The following MAP3K2 variants were observed in gnomAD, a reference collection of about 807,000 sequenced individuals.
The protein encoded by MAP3K2 is mitogen-activated protein kinase kinase kinase 2.
MAP3K2 carries 24 observed loss-of-function variants against 80.3 expected under a neutral mutation model. That is an observed-to-expected ratio of 0.30 (90% CI 0.22 to 0.42). The LOEUF is 0.42. Ranked by LOEUF, MAP3K2 falls within the 10% of genes least tolerant of loss-of-function variation. MAP3K2 has a pLI of 1.00. For synonymous variants in MAP3K2, 244 were observed against 253.7 expected, an observed-to-expected ratio of 0.96 and a Z score of 0.36; for missense variants, 608 against 750.1, an observed-to-expected ratio of 0.81 and a Z score of 2.21.
intron 1 of MAP3K2, among the ~76,000 whole-genome samples, chr2:127,344,974 CCA>C (rs1686570965): frequency 6.6e-6 from 1 of 152,096 alleles, no homozygotes; most frequent in Admixed American, 6.6e-5. Context: ...AGCAATCCTC[CCA>C]CCTCAGCACC....
chr2:127,342,391 GTGTGT>G (rs1686511913), intron 2 of MAP3K2, among the ~76,000 whole-genome samples: 3 of 82,084 alleles, frequency 3.7e-5, no homozygotes, highest in African/African-American at 1.4e-4. Context: ...TCATGAGGGT[GTGTGT>G]GTGTGTGTGT....
chr2:127,342,419 G>GTC (rs1420705439), intron 2 of MAP3K2, among the ~76,000 whole-genome samples: 3 of 151,228 alleles, frequency 2.0e-5, no homozygotes, highest in East Asian at 3.9e-4. Flanking sequence ...GTGTGTGTGT[G>GTC]TGTATTTGTT....
chr2:127,361,203 T>C (rs1394293662), intron 1 of MAP3K2, among the ~76,000 whole-genome samples: 7 of 151,114 alleles, frequency 4.6e-5, no homozygotes, highest in Non-Finnish European at 1.0e-4. Flanking sequence ...GTCCCAGCTA[T>C]TCGGGAGGCT....
At chr2:127,387,268 C>T (rs1209516457) in intron 1 of MAP3K2, among the ~76,000 whole-genome samples, 184 bp downstream of exon 1, 4 of 152,146 alleles carry the variant, frequency 2.6e-5, no homozygotes, top group Non-Finnish European at 4.4e-5. Flanking sequence ...GGACTGGATG[C>T]AGGGGGCCCA....
At chr2:127,385,457 T>C (rs1038526998) in intron 1 of MAP3K2, among the ~76,000 whole-genome samples, 18 of 152,232 alleles carry the variant, frequency 1.2e-4, no homozygotes, top group African/African-American at 4.3e-4. Context: ...CAGTATATTG[T>C]AAACATAACT....
chr2:127,353,460 C>A (rs2104863091), intron 1 of MAP3K2, among the ~76,000 whole-genome samples: 1 of 151,564 alleles, frequency 6.6e-6, no homozygotes, highest in African/African-American at 2.4e-5. Context: ...CCCCTCCGCC[C>A]AGCAGCCGTC....
intron 1 of MAP3K2, among the ~76,000 whole-genome samples, chr2:127,345,424 A>C (rs1404517012): frequency 2.6e-5 from 4 of 152,256 alleles, no homozygotes; most frequent in Non-Finnish European, 5.9e-5. Flanking sequence ...TTCAAAAATA[A>C]AAGTTGGAGA....
At position 127,301,685 on chromosome 2, in the gene MAP3K2, G is replaced by A. The variant is rs1327409065; in HGVS notation, c.*5894C>T. On this transcript the variant is annotated 3_prime_UTR_variant, in exon 17 of 17. Transcript: ENST00000682094. ...GCTGTTATTAACAAAAATACCATAT[G>A]ACTATCAATTAAAATGCACAATTAT... The A allele has an allele frequency of 6.6e-6, 1 of 152,148 alleles. No homozygotes were observed. Among genetic ancestry groups the A allele is most frequent in the Non-Finnish European group, 1.5e-5 (1 of 68,018 alleles). 9.4% of individuals were successfully genotyped at this position (152,148 alleles called of 1,614,324 possible). A position where few individuals can be genotyped will look rare whatever the true frequency, so the allele number is the denominator to read the frequency against.
rs769965058 is a variant in MAP3K2, at chr2:127,337,786, G to A, written c.124-8C>T. 46 of 1,509,294 alleles carry A rather than the reference G, an allele frequency of 3.0e-5. No individual in the cohort carries two copies. Among genetic ancestry groups the A allele is most frequent in the Non-Finnish European group, 4.0e-5 (45 of 1,113,234 alleles). The allele number at this position is 1,509,294 out of a possible 1,614,324, so 93.5% of individuals were successfully genotyped here. On this transcript the variant is annotated splice_polypyrimidine_tract_variant and splice_region_variant and intron_variant, in intron 3 of 16. Transcript: ENST00000682094. ...TTTGACTCGGACATCATTCTGTAAT[G>A]AAATGACAAATCAGTCTTTCAGAGA...
intron 6 of MAP3K2, 113 bp downstream of exon 6, chr2:127,330,279 T>A (rs1177388604): frequency 1.6e-6 from 1 of 610,502 alleles, no homozygotes; most frequent in East Asian, 2.9e-5. Flanking sequence ...AAGTTTACAT[T>A]TAATCATAAT....
chr2:127,361,974 T>TG (rs1390989207), intron 1 of MAP3K2, among the ~76,000 whole-genome samples: 2 of 152,218 alleles, frequency 1.3e-5, no homozygotes, highest in Non-Finnish European at 2.9e-5. Flanking sequence ...CCTTATCAGA[T>TG]GTCAGTTCTC....
chr2:127,387,167 C>T (rs1434147738), intron 1 of MAP3K2, among the ~76,000 whole-genome samples: 1 of 152,260 alleles, frequency 6.6e-6, no homozygotes, highest in Middle Eastern at 3.4e-3. Flanking sequence ...ATCCCAAGAC[C>T]AGATGCAACC....
rs998437044 is a variant in MAP3K2 at position 127,301,462 on chromosome 2, T to A, written c.*6117A>T. The A allele has an allele frequency of 6.6e-6, 1 of 152,236 alleles. No homozygotes were observed. Among genetic ancestry groups the A allele is most frequent in the African/African-American group, 2.4e-5 (1 of 41,478 alleles). The allele number at this position is 152,236 out of a possible 1,614,324, so 9.4% of individuals were successfully genotyped here. The stretch of plus-strand genomic sequence containing the variant: ...CTTTTCCTTGAAGGATATACCAGAA[T>A]ACAAATTCTACTAGTATCTGCTTTA... On this transcript the variant is annotated 3_prime_UTR_variant, in exon 17 of 17. Coordinates refer to ENST00000682094, the MANE Select transcript of MAP3K2 (RefSeq NM_001371910.2).
In MAP3K2 at chr2:127,338,996, G is replaced by C; in HGVS notation, c.59C>G (p.Ala20Gly). 6.2e-7 allele frequency: 1 copy of C among 1,612,820 alleles called. No homozygotes were observed. Among genetic ancestry groups the C allele is most frequent in the South Asian group, 1.1e-5 (1 of 90,672 alleles). ...CTGCAAGGATAATGCTGGTCGACTG[G>C]CCTTATGAAGGACAGCCAAATCTTG... The part of the protein sequence containing the change: ...IMQDLAVLHK[A>G]SRPALSLQET... The change falls in exon 3 of 17, where the codon GCC (alanine) becomes GGC (glycine). Residue 20 changes from alanine to glycine, a missense_variant. This residue lies in a region of MAP3K2 where 467 missense variants were observed against 521.9 expected (regional missense o/e 0.89). Coordinates refer to ENST00000682094, the MANE Select transcript of MAP3K2 (RefSeq NM_001371910.2).
At position 127,329,807 on chromosome 2, in the gene MAP3K2, G is replaced by T; in HGVS notation, c.466+114C>A. On this transcript the variant is annotated intron_variant, in intron 7 of 16. Transcript: ENST00000682094. ...GTGTATTTAAATTAAATTATAGGAA[G>T]TAGAGAAATAAAATATTATTTATCA... 4.7e-6 allele frequency: 3 copies of T among 638,006 alleles called. No individual in the cohort carries two copies. The South Asian group carries it at 5.8e-5, about 12-fold the overall frequency. The allele number at this position is 638,006 out of a possible 1,614,324, so 39.5% of individuals were successfully genotyped here. A position where few individuals can be genotyped will look rare whatever the true frequency, so the allele number is the denominator to read the frequency against.
chr2:127,313,850 T>C (rs1389966959), intron 15 of MAP3K2, among the ~76,000 whole-genome samples: 5 of 152,176 alleles, frequency 3.3e-5, no homozygotes, highest in African/African-American at 1.2e-4. Flanking sequence ...TGTTTATTTA[T>C]TAACAGATGG....
chr2:127,327,675 TC>T (rs1344938373), intron 7 of MAP3K2, among the ~76,000 whole-genome samples: 1 of 152,028 alleles, frequency 6.6e-6, no homozygotes, highest in Non-Finnish European at 1.5e-5. Context: ...CAGCATACAC[TC>T]CTAACCTAAA....
intron 2 of MAP3K2, among the ~76,000 whole-genome samples, chr2:127,342,747 A>AACATTAT (rs1410291528): frequency 1.8e-4 from 27 of 152,334 alleles, no homozygotes; most frequent in Non-Finnish European, 3.8e-4. Flanking sequence ...TCTTTAAACT[A>AACATTAT]ACATTATACC....
At chr2:127,382,169 A>C (rs1687258673) in intron 1 of MAP3K2, among the ~76,000 whole-genome samples, 1 of 152,232 alleles carries the variant, frequency 6.6e-6, no homozygotes, top group African/African-American at 2.4e-5. Context: ...AAATATGGAT[A>C]TATATTAGAG....
Sources: gnomAD v4.1 joint callset for allele counts (sites outside exome capture counted in the v4.1 genomes callset) on GRCh38, gnomAD v4.1.1 for gene constraint, gnomAD v4.1.1 regional missense constraint, MANE v1.5 for transcripts, NCBI Gene and HGNC (gene_info 2026-07-23, HGNC 2026-07-21) for gene names.